FBXL17: variants seen among roughly 807,000 people sequenced by gnomAD.
FBXL17 encodes F-box and leucine rich repeat protein 17, also known as F-box/LRR-repeat protein 17.
In FBXL17, 22 loss-of-function variants were observed where a neutral mutation model predicts 66.2. The ratio of observed to expected loss-of-function variants is 0.33; its 90% CI spans 0.24 to 0.47. The LOEUF is 0.47. FBXL17 is among the 20% of genes least tolerant of loss of function. The pLI is 1.00. For synonymous variants in FBXL17, 474 were observed against 400.5 expected, an observed-to-expected ratio of 1.18 and a Z score of -2.19; for missense variants, 878 against 948.2, an observed-to-expected ratio of 0.93 and a Z score of 0.97.
intron 8 of FBXL17, among the ~76,000 whole-genome samples, chr5:107,871,069 A>AAAAAACAAAAAAAC (rs1554080844): frequency 3.1e-5 from 4 of 130,174 alleles, no homozygotes; most frequent in Non-Finnish European, 4.7e-5. Context: ...AAAAAAAAAA[A>AAAAAACAAAAAAAC]AAAAAAAAAA....
chr5:108,079,749 G>C (rs971665598), intron 6 of FBXL17, among the ~76,000 whole-genome samples: 1 of 152,132 alleles, frequency 6.6e-6, no homozygotes, highest in African/African-American at 2.4e-5. Context: ...TTTCACAGGG[G>C]GTTTAGAAGT....
chr5:108,381,657 C>T lies in FBXL17; in HGVS notation c.35G>A (p.Arg12His). 1.4e-6 allele frequency: 2 copies of T among 1,476,162 alleles called. No individual in the cohort carries two copies. The highest frequency in any genetic ancestry group is 1.8e-6 in the Non-Finnish European group (2 of 1,117,410). The allele number at this position is 1,476,162 out of a possible 1,614,324, so 91.4% of individuals were successfully genotyped here. A position where few individuals can be genotyped will look rare whatever the true frequency, so the allele number is the denominator to read the frequency against. ...ACAGCGAGGCCTCTTCTGGCTCGGGCGGTTACGCGGCTCCTTCGAGAGAAG... is the reference window on the plus strand; with the variant it reads ...ACAGCGAGGCCTCTTCTGGCTCGGGTGGTTACGCGGCTCCTTCGAGAGAAG... Reference protein sequence around the residue: ...GHLLSKEPRNRPSQKRPRCCS... With the variant: ...GHLLSKEPRNHPSQKRPRCCS... The change falls in exon 1 of 9, where the codon CGC becomes CAC. Residue 12 changes from arginine to histidine, a missense_variant. By Grantham distance (29) the Arg-to-His change is conservative (BLOSUM62 0). Around this residue, in one of 4 missense-constraint regions of FBXL17, gnomAD observed 605 missense variants for 509.5 expected, o/e 1.19. Transcript: ENST00000542267.
At chr5:107,888,188 T>G (rs1334196506) in intron 7 of FBXL17, among the ~76,000 whole-genome samples, 1 of 149,590 alleles carries the variant, frequency 6.7e-6, no homozygotes, top group Non-Finnish European at 1.5e-5. Context: ...TGTACTTATT[T>G]TATATTTCTA....
At chr5:108,371,893 C>T (rs967363168) in intron 1 of FBXL17, among the ~76,000 whole-genome samples, 13 of 152,090 alleles carry the variant, frequency 8.5e-5, no homozygotes, top group Non-Finnish European at 1.8e-4. Flanking sequence ...CACTGCAGGA[C>T]GAGACTCATT....
At chr5:108,034,905 T>C (rs931654669) in intron 6 of FBXL17, among the ~76,000 whole-genome samples, 4 of 152,194 alleles carry the variant, frequency 2.6e-5, no homozygotes, top group Admixed American at 6.5e-5. Context: ...TTTTCATTTA[T>C]TGACATGAAG....
intron 4 of FBXL17, among the ~76,000 whole-genome samples, chr5:108,268,347 C>T (rs960949107): frequency 6.6e-6 from 1 of 151,956 alleles, no homozygotes; most frequent in Non-Finnish European, 1.5e-5. Context: ...CTTCACCTAA[C>T]ACTCCTCTTT....
intron 1 of FBXL17, among the ~76,000 whole-genome samples, chr5:108,373,130 C>T (rs1384070602): frequency 6.7e-6 from 1 of 148,404 alleles, no homozygotes; most frequent in Non-Finnish European, 1.5e-5. Context: ...GAAATACACA[C>T]ATAATTATTT....
chr5:108,252,374 C>CT (rs565309470), intron 4 of FBXL17, among the ~76,000 whole-genome samples: 2 of 151,954 alleles, frequency 1.3e-5, no homozygotes, highest in Non-Finnish European at 2.9e-5. Flanking sequence ...AAGAAAAGTG[C>CT]TTTACAAGGT....
intron 4 of FBXL17, among the ~76,000 whole-genome samples, chr5:108,336,671 C>T (rs899248754): frequency 2.6e-5 from 4 of 151,964 alleles, no homozygotes; most frequent in Admixed American, 6.6e-5. Context: ...TTTCAAAATC[C>T]ACTTTTAAGA....
At chr5:107,962,742 A>AT (rs1015234938) in intron 7 of FBXL17, among the ~76,000 whole-genome samples, 2 of 151,676 alleles carry the variant, frequency 1.3e-5, no homozygotes, top group South Asian at 2.1e-4. Flanking sequence ...CTATAAGCTA[A>AT]TTTTTTTTCA....
At chr5:108,269,151 C>T (rs1018014538) in intron 4 of FBXL17, among the ~76,000 whole-genome samples, 2 of 151,982 alleles carry the variant, frequency 1.3e-5, no homozygotes, top group African/African-American at 2.4e-5. Context: ...TCCTTCATAT[C>T]GGGAGGACCT....
chr5:108,237,898 T>C (rs1011824318), intron 4 of FBXL17, among the ~76,000 whole-genome samples: 1 of 152,190 alleles, frequency 6.6e-6, no homozygotes, highest in African/African-American at 2.4e-5. Flanking sequence ...GAAAGAAATT[T>C]ATTTAAATTC....
chr5:108,348,285 A>C lies in FBXL17; in HGVS notation c.1506+114T>G, dbSNP rs542631526. On this transcript the variant is annotated intron_variant, in intron 4 of 8. Transcript: ENST00000542267. ...TTTAAAAGGATTTTTGCTTTTGATT[A>C]AGTAGTATTTGAACCATCACAAGAA... The C allele has an allele frequency of 5.7e-5, 52 of 907,574 alleles. No individual in the cohort carries two copies. The African/African-American group carries it at 7.7e-4, about 13-fold the overall frequency. The allele number at this position is 907,574 out of a possible 1,614,324, so 56.2% of individuals were successfully genotyped here.
At chr5:108,295,038 T>C (rs962557962) in intron 4 of FBXL17, among the ~76,000 whole-genome samples, 1 of 152,034 alleles carries the variant, frequency 6.6e-6, no homozygotes, top group Non-Finnish European at 1.5e-5. Context: ...TTTTGGTTAG[T>C]AGTTATTTAG....
chr5:108,031,809 G>C (rs1313759105), intron 6 of FBXL17, among the ~76,000 whole-genome samples: 1 of 152,090 alleles, frequency 6.6e-6, no homozygotes, highest in Non-Finnish European at 1.5e-5. Context: ...ATTGGTTATA[G>C]ATAATGGAAA....
In FBXL17 at chr5:108,083,755, C is replaced by T. The variant is rs115213848; in HGVS notation, c.1746-62754G>A. Reference sequence around the variant, plus strand: ...TAAACTATAGATGGCTTAAAGCATACTGGAAATGTAAATGTTCTCATAAAG... The same window carrying T: ...TAAACTATAGATGGCTTAAAGCATATTGGAAATGTAAATGTTCTCATAAAG... On this transcript the variant is annotated intron_variant, in intron 6 of 8. Transcript: ENST00000542267. Among the ~76,000 whole-genome samples the T allele has an allele frequency of 2.8e-3, 432 of 152,082 alleles. 3 individuals carry two copies. The highest frequency in any genetic ancestry group is 0.01 in the African/African-American group (419 of 41,482).
intron 1 of FBXL17, among the ~76,000 whole-genome samples, chr5:108,375,227 C>A (rs1749337187): frequency 6.6e-6 from 1 of 152,034 alleles, no homozygotes; most frequent in Non-Finnish European, 1.5e-5. Flanking sequence ...CATGCGCCAG[C>A]ATGCCTGTGC....
chr5:108,155,435 A>G (rs1751957558), intron 6 of FBXL17, among the ~76,000 whole-genome samples: 1 of 152,134 alleles, frequency 6.6e-6, no homozygotes, highest in East Asian at 1.9e-4. Context: ...GAATCACTGG[A>G]ACCCAGGAGG....
intron 6 of FBXL17, among the ~76,000 whole-genome samples, chr5:108,151,050 T>C (rs1300155192): frequency 6.6e-6 from 1 of 152,178 alleles, no homozygotes; most frequent in African/African-American, 2.4e-5. Flanking sequence ...ACTTAAGTAA[T>C]GGAACCATAG....
Sources: gnomAD v4.1 joint callset for allele counts (sites outside exome capture counted in the v4.1 genomes callset) on GRCh38, gnomAD v4.1.1 for gene constraint, gnomAD v4.1.1 regional missense constraint, MANE v1.5 for transcripts, NCBI Gene and HGNC (gene_info 2026-07-23, HGNC 2026-07-21) for gene names.